DLG2: variants seen among roughly 807,000 people sequenced by gnomAD.
DLG2 encodes the protein discs large MAGUK scaffold protein 2.
DLG2 carries 45 observed loss-of-function variants against 132.5 expected under a neutral mutation model. The observed-to-expected ratio is 0.34, with a 90% CI of 0.27 to 0.44. DLG2 has a LOEUF of 0.44. DLG2 is among the 20% of genes least tolerant of loss of function. The pLI is 1.00. For missense variants in DLG2, 1,045 were observed against 1,196.9 expected (o/e 0.87, Z 1.87); for synonymous variants, 424 against 419.6 (o/e 1.01, Z -0.13).
At chr11:85,607,956 G>T (rs1383789498) in intron 2 of DLG2, among the ~76,000 whole-genome samples, 1 of 152,184 alleles carries the variant, frequency 6.6e-6, no homozygotes, top group East Asian at 1.9e-4. Flanking sequence ...CAATGCTTCA[G>T]TAAAGGTGAC....
chr11:84,635,273 T>G (rs1196400067), intron 6 of DLG2, among the ~76,000 whole-genome samples: 2 of 152,186 alleles, frequency 1.3e-5, no homozygotes, highest in Non-Finnish European at 2.9e-5. Flanking sequence ...TGATAAAGGC[T>G]TGATGGACAG....
At chr11:85,549,670 A>G (rs555459331) in intron 3 of DLG2, among the ~76,000 whole-genome samples, 7 of 152,212 alleles carry the variant, frequency 4.6e-5, no homozygotes, top group Non-Finnish European at 8.8e-5. Context: ...TCAGCACAAG[A>G]TACAGGTTAC....
intron 18 of DLG2, among the ~76,000 whole-genome samples, chr11:83,675,954 T>A (rs929710169): frequency 6.6e-6 from 1 of 152,254 alleles, no homozygotes; most frequent in Non-Finnish European, 1.5e-5. Context: ...AGTAGACATT[T>A]GTACATTATG....
chr11:84,775,414 G>A (rs1042859074), intron 6 of DLG2, among the ~76,000 whole-genome samples: 2 of 152,056 alleles, frequency 1.3e-5, no homozygotes, highest in African/African-American at 4.8e-5. Context: ...CCCAGCAGTC[G>A]CATTAGTGGG....
intron 18 of DLG2, chr11:83,692,017 A>G (rs977511812): frequency 2.6e-5 from 4 of 152,214 alleles, no homozygotes; most frequent in Non-Finnish European, 4.4e-5. Context: ...TTCCCATTTT[A>G]TAGATAAAGA....
At chr11:83,624,841 T>C (rs17145831) in intron 19 of DLG2, among the ~76,000 whole-genome samples, 2,450 of 152,278 alleles carry the variant, frequency 0.016, 70 homozygotes, top group African/African-American at 0.057. Context: ...ACAGAAGTTA[T>C]ATAATCAATA....
chr11:84,785,505 A>G (rs1196822996), intron 6 of DLG2, among the ~76,000 whole-genome samples: 1 of 152,126 alleles, frequency 6.6e-6, no homozygotes, highest in East Asian at 1.9e-4. Context: ...AGTAATTTAA[A>G]ATGGTGATAT....
At chr11:84,689,714 T>C (rs914291807) in intron 6 of DLG2, among the ~76,000 whole-genome samples, 2 of 151,962 alleles carry the variant, frequency 1.3e-5, no homozygotes, top group Non-Finnish European at 2.9e-5. Flanking sequence ...CAAAAGAGTA[T>C]AAAGCAGGGA....
chr11:84,600,151 A>AGAAAGAAG (rs1239848370), intron 6 of DLG2, among the ~76,000 whole-genome samples: 5,438 of 109,456 alleles, frequency 0.05, 274 homozygotes, highest in African/African-American at 0.081. Context: ...AAGGAAAGAA[A>AGAAAGAAG]GAAAGAAGGA....
intron 6 of DLG2, among the ~76,000 whole-genome samples, chr11:84,558,776 T>C (rs887693178): frequency 6.6e-6 from 1 of 152,190 alleles, no homozygotes; most frequent in Non-Finnish European, 1.5e-5. Context: ...ATAGTTCACA[T>C]TTCCATGACT....
chr11:84,483,953 T>A (rs943044101), intron 7 of DLG2, among the ~76,000 whole-genome samples: 2 of 152,174 alleles, frequency 1.3e-5, no homozygotes, highest in Admixed American at 1.3e-4. Context: ...TTCCCTCTAT[T>A]CTATTGGCCT....
At chr11:85,515,421 C>A (rs548527174) in intron 3 of DLG2, among the ~76,000 whole-genome samples, 1 of 151,936 alleles carries the variant, frequency 6.6e-6, no homozygotes, top group South Asian at 2.1e-4. Flanking sequence ...TGTTCCACAA[C>A]TTACTAGCTG....
intron 22 of DLG2, among the ~76,000 whole-genome samples, chr11:83,479,067 T>C (rs889879157): frequency 5.9e-5 from 9 of 152,100 alleles, no homozygotes; most frequent in Admixed American, 5.9e-4. Flanking sequence ...CAAGAATTGA[T>C]GGAATTTCTT....
intron 14 of DLG2, among the ~76,000 whole-genome samples, chr11:83,933,415 T>A (rs1296961417): frequency 6.6e-6 from 1 of 152,230 alleles, no homozygotes; most frequent in African/African-American, 2.4e-5. Context: ...TCATTTCTCT[T>A]GCTGTCCATT....
At position 84,198,916 on chromosome 11, in the gene DLG2, GGAACAGAAA is replaced by G. The variant is rs2096557624; in HGVS notation, c.574-35414_574-35406del. 1.3e-5 allele frequency among the ~76,000 whole-genome samples: 2 copies of G among 152,160 alleles called. 1 individual carries two copies. Among genetic ancestry groups the G allele is most frequent in the East Asian group, 3.9e-4 (2 of 5,184 alleles). On this transcript the variant is annotated intron_variant, in intron 8 of 27. Transcript: ENST00000376104. ...TCAGGGGCAAATGGTGCAGGTGCAG[GGAACAGAAA>G]AGGAGATCTGCCAATGATCAAGAAA...
At chr11:84,590,493 G>C (rs778418672) in intron 6 of DLG2, among the ~76,000 whole-genome samples, 1 of 152,080 alleles carries the variant, frequency 6.6e-6, no homozygotes, top group Non-Finnish European at 1.5e-5. Flanking sequence ...ACACACAATT[G>C]TTAATTAATC....
chr11:85,260,584 C>T (rs1286262263), intron 4 of DLG2, among the ~76,000 whole-genome samples: 4 of 152,150 alleles, frequency 2.6e-5, no homozygotes, highest in African/African-American at 9.7e-5. Context: ...CTATTAAAAT[C>T]CTACAATGTG....
chr11:84,519,613 T>G (rs2099287962), intron 7 of DLG2, among the ~76,000 whole-genome samples: 1 of 152,150 alleles, frequency 6.6e-6, no homozygotes, highest in South Asian at 2.1e-4. Context: ...AACCTGTTGA[T>G]CTTTCCTGCT....
chr11:85,452,125 A>C (rs2153043894), intron 3 of DLG2, among the ~76,000 whole-genome samples: 1 of 152,294 alleles, frequency 6.6e-6, no homozygotes, highest in South Asian at 2.1e-4. Context: ...TAATATAAAT[A>C]AAATCACTAA....
Sources: allele counts gnomAD v4.1 joint callset (sites outside exome capture counted in the v4.1 genomes callset), GRCh38; gene constraint gnomAD v4.1.1; transcripts MANE v1.5; gene names NCBI Gene and HGNC (gene_info 2026-07-23, HGNC 2026-07-21).